The following TRIM67 variants were observed in gnomAD, a reference collection of about 807,000 sequenced individuals.
TRIM67 encodes tripartite motif containing 67, also known as tripartite motif-containing protein 67.
A neutral mutation model predicts 71.0 loss-of-function variants in TRIM67; 39 were observed. The ratio of observed to expected loss-of-function variants is 0.55; its 90% CI spans 0.43 to 0.72. TRIM67 has a LOEUF of 0.72. Among genes scored for constraint, TRIM67 ranks in the 30% least tolerant of loss-of-function variants. The pLI is 0.00. For synonymous variants in TRIM67, 481 were observed against 473.9 expected (o/e 1.01, Z -0.19); for missense variants, 973 against 1,079.2 (o/e 0.90, Z 1.38).
chr1:231,213,554 C>T (rs1683928821), intron 8 of TRIM67, among the ~76,000 whole-genome samples: 1 of 152,174 alleles, frequency 6.6e-6, no homozygotes, highest in South Asian at 2.1e-4. Context: ...TAGTGAGACT[C>T]CTATCTCTAC....
At chr1:231,187,593 A>G (rs16853942) in intron 1 of TRIM67, 193,476 of 1,523,364 alleles carry the variant, frequency 0.13, 15,290 homozygotes, top group African/African-American at 0.37. Context: ...GTGCCCAATG[A>G]TGGTGTGAAA....
At chr1:231,208,014 T>TTA (rs1553328134) in intron 7 of TRIM67, among the ~76,000 whole-genome samples, 4 of 149,978 alleles carry the variant, frequency 2.7e-5, no homozygotes, top group East Asian at 2.1e-4. Context: ...CTGTACTTTT[T>TTA]TTTTTTTTTT....
intron 1 of TRIM67, among the ~76,000 whole-genome samples, chr1:231,166,328 G>A (rs756748193): frequency 1.3e-5 from 2 of 152,212 alleles, no homozygotes; most frequent in Non-Finnish European, 2.9e-5. Context: ...ACTACTGAGT[G>A]CTTATTATGA....
intron 1 of TRIM67, among the ~76,000 whole-genome samples, chr1:231,167,763 C>G (rs868588852): frequency 6.6e-6 from 1 of 152,052 alleles, no homozygotes; most frequent in Admixed American, 6.5e-5. Flanking sequence ...CCAACTCTCA[C>G]GTCTTAAGGC....
intron 3 of TRIM67, 43 bp downstream of exon 3, chr1:231,199,212 C>A (rs780414955): frequency 6.3e-7 from 1 of 1,596,854 alleles, no homozygotes; most frequent in Non-Finnish European, 8.6e-7. Context: ...CTGCCACATC[C>A]TCTGCACCCA....
intron 1 of TRIM67, chr1:231,184,504 C>T (rs1033534260): frequency 1.3e-5 from 2 of 156,700 alleles, no homozygotes; most frequent in Non-Finnish European, 2.8e-5. Flanking sequence ...CGGATAGCCC[C>T]TCAGGATCCA....
intron 7 of TRIM67, 121 bp downstream of exon 7, chr1:231,206,911 C>CCCCCT (rs1683718310): frequency 8.9e-7 from 1 of 1,125,668 alleles, no homozygotes; most frequent in African/African-American, 1.6e-5. Context: ...CTGGGCACGG[C>CCCCCT]TGGGTTCTCC....
intron 5 of TRIM67, among the ~76,000 whole-genome samples, chr1:231,202,225 TAGTA>T (rs1558304195): frequency 5.7e-4 from 2 of 3,514 alleles, no homozygotes; most frequent in Non-Finnish European, 1.2e-3. Flanking sequence ...GAGGAGGAGG[TAGTA>T]GGAGAGGAGG....
rs1270760320 is a variant in TRIM67, at chr1:231,211,026, A to AT, written c.2123+1776_2123+1777insT. On this transcript the variant is annotated intron_variant, in intron 8 of 9. Coordinates refer to ENST00000366653, the MANE Select transcript of TRIM67 (RefSeq NM_001004342.5). Reference sequence around the variant, plus strand: ...GTGAGACCCTCCTCTCTACCAAAAAAAAAAAATATATATATATATATATAT... The same window carrying AT: ...GTGAGACCCTCCTCTCTACCAAAAAATAAAAAATATATATATATATATATAT... Among the ~76,000 whole-genome samples the AT allele has an allele frequency of 1.5e-3, 195 of 125,844 alleles. 1 individual carries two copies. The highest frequency in any genetic ancestry group is 5.7e-3 in the African/African-American group (178 of 31,362). 82.6% of individuals were successfully genotyped at this position (125,844 alleles called of 152,430 possible).
rs570154876 is a variant in TRIM67 at position 231,203,974 on chromosome 1, A to T, written c.1642A>T (p.Ile548Phe). The change falls in exon 6 of 10, where the codon ATC (isoleucine) becomes TTC (phenylalanine). Residue 548 changes from isoleucine (I) to phenylalanine (F), a missense_variant. By Grantham distance (21) the Ile-to-Phe change is conservative (BLOSUM62 0). Coordinates refer to ENST00000366653, the MANE Select transcript of TRIM67 (RefSeq NM_001004342.5). Reference sequence around the variant, plus strand: ...CACCCACAGCCCCGTGGACGGCTACATCCTGGAGCTGGACGACGGTGCCGG... The same window carrying T: ...CACCCACAGCCCCGTGGACGGCTACTTCCTGGAGCTGGACGACGGTGCCGG... ...PFTHSPVDGY[I>F]LELDDGAGGQ... 1.2e-5 allele frequency: 20 copies of T among 1,613,902 alleles called. No homozygotes were observed. Among genetic ancestry groups the T allele is most frequent in the Non-Finnish European group, 1.7e-5 (20 of 1,179,886 alleles).
chr1:231,200,174 C>A lies in TRIM67; in HGVS notation c.1290C>A (p.Cys430Ter). Residue 430 changes from cysteine (C) to a stop codon, truncating the protein, a stop_gained, in exon 4 of 10, where the codon TGC becomes TGA. Transcript: ENST00000366653. LOFTEE classifies it high-confidence loss of function. ...TGGTTTGGGACCAGATCAATCACTG[C>A]ACATTGAAGCTGCGTCAGTCCACCG... ...LKMVWDQINH[C>*]TLKLRQSTGL... The A allele has an allele frequency of 6.2e-7, 1 of 1,613,872 alleles. No homozygotes were observed. The highest frequency in any genetic ancestry group is 8.5e-7 in the Non-Finnish European group (1 of 1,179,768).
In TRIM67 at chr1:231,220,928, T is replaced by A. The variant is rs1446778018; in HGVS notation, c.*5488T>A. 1 of 152,334 alleles carries A rather than the reference T, an allele frequency of 6.6e-6. No individual in the cohort carries two copies. The highest frequency in any genetic ancestry group is 1.5e-5 in the Non-Finnish European group (1 of 68,170). The allele number at this position is 152,334 out of a possible 1,614,324, so 9.4% of individuals were successfully genotyped here. A position where few individuals can be genotyped will look rare whatever the true frequency, so the allele number is the denominator to read the frequency against. On this transcript the variant is annotated 3_prime_UTR_variant, in exon 10 of 10. Coordinates refer to ENST00000366653, the MANE Select transcript of TRIM67 (RefSeq NM_001004342.5). ...CTTCAGGTTCGGGAAGGTGACTGCT[T>A]GCAACTGCAGTAGCAGGAACATGTC...
chr1:231,217,069 C>A lies in TRIM67; in HGVS notation c.*1629C>A. ...TCTGCCTTCCTGTTCAGACACCGCG[C>A]CTGCTTTCTGAGTAACTGCCTGCCG... On this transcript the variant is annotated 3_prime_UTR_variant, in exon 10 of 10. Transcript: ENST00000366653. 1.0e-6 allele frequency: 1 copy of A among 985,952 alleles called. No homozygotes were observed. Among genetic ancestry groups the A allele is most frequent in the Non-Finnish European group, 1.2e-6 (1 of 829,970 alleles). 61.1% of individuals were successfully genotyped at this position (985,952 alleles called of 1,614,324 possible).
chr1:231,176,346 A>C (rs1028783510), intron 1 of TRIM67, among the ~76,000 whole-genome samples: 1 of 152,202 alleles, frequency 6.6e-6, no homozygotes, highest in Non-Finnish European at 1.5e-5. Context: ...CAGATGGAGG[A>C]AGAGTGAAGA....
At chr1:231,172,266 C>T (rs1175034139) in intron 1 of TRIM67, among the ~76,000 whole-genome samples, 1 of 152,148 alleles carries the variant, frequency 6.6e-6, no homozygotes, top group African/African-American at 2.4e-5. Flanking sequence ...TAGCTGACAG[C>T]TATTTTTAAA....
Position 231,217,238 on chromosome 1 carries a change from C to T in TRIM67, c.*1798C>T, listed in dbSNP as rs1429702469. ...AGCTGCCCCGTCTCCAGGAGCTGCT[C>T]GGTGCTGTGTTGCAGTCTCTGCTGC... On this transcript the variant is annotated 3_prime_UTR_variant, in exon 10 of 10. Transcript: ENST00000366653. 49 of 985,980 alleles carry T rather than the reference C, an allele frequency of 5.0e-5. No individual in the cohort carries two copies. The highest frequency in any genetic ancestry group is 7.0e-5 in the African/African-American group (4 of 57,246). The allele number at this position is 985,980 out of a possible 1,614,324, so 61.1% of individuals were successfully genotyped here. A position where few individuals can be genotyped will look rare whatever the true frequency, so the allele number is the denominator to read the frequency against.
intron 3 of TRIM67, 91 bp from the exon 4 acceptor site, chr1:231,200,057 G>A: frequency 1.0e-6 from 1 of 952,662 alleles, no homozygotes; most frequent in South Asian, 1.4e-5. Flanking sequence ...CCTCTTCCAG[G>A]CTGTATTGGC....
rs1348633784 is a variant in TRIM67, at chr1:231,197,454, G to T, written c.1128G>T (p.Leu376Phe). ...TTCTGGTTCAGCTAAAGAACATATT[G>T]CAGCAGATCCAGGTGAGCACAGCTC... ...KEFLVQLKNILQQIQENGLDY... is the reference protein window; with the variant it reads ...KEFLVQLKNIFQQIQENGLDY... The change falls in exon 2 of 10, where the codon TTG becomes TTT. Residue 376 changes from leucine (L) to phenylalanine (F), a missense_variant. Leu to Phe is a conservative substitution (Grantham distance 22). This residue lies in a region of TRIM67 where 795 missense variants were observed against 831.3 expected (regional missense o/e 0.96). Coordinates refer to ENST00000366653, the MANE Select transcript of TRIM67 (RefSeq NM_001004342.5). 1.9e-6 allele frequency: 3 copies of T among 1,613,904 alleles called. No homozygotes were observed. The South Asian group carries it at 3.3e-5, about 18-fold the overall frequency.
rs751164637 is a variant in TRIM67, at chr1:231,213,828, G to A, written c.2137G>A (p.Val713Met). ...NSHTNRTEGGVCKGATVGVLL... is the reference protein window; with the variant it reads ...NSHTNRTEGGMCKGATVGVLL... ...CTCTCTTCCCAGGACGGAAGGTGGC[G>A]TGTGCAAGGGGGCCACCGTGGGCGT... Residue 713 changes from valine to methionine, a missense_variant, in exon 9 of 10, where the codon GTG becomes ATG. Transcript: ENST00000366653. 3.1e-6 allele frequency: 5 copies of A among 1,599,280 alleles called. No homozygotes were observed. Among genetic ancestry groups the A allele is most frequent in the Admixed American group, 1.7e-5 (1 of 58,666 alleles).
Sources: gnomAD v4.1 joint callset for allele counts (sites outside exome capture counted in the v4.1 genomes callset) on GRCh38, gnomAD v4.1.1 for gene constraint, gnomAD v4.1.1 regional missense constraint, MANE v1.5 for transcripts, NCBI Gene and HGNC (gene_info 2026-07-23, HGNC 2026-07-21) for gene names.